The following ACAP2 variants were observed in gnomAD, a reference collection of about 807,000 sequenced individuals.
ACAP2 encodes the protein ArfGAP with coiled-coil, ankyrin repeat and PH domains 2, also known as arf-GAP with coiled-coil, ANK repeat and PH domain-containing protein 2.
ACAP2 carries 39 observed loss-of-function variants against 115.8 expected under a neutral mutation model. The observed-to-expected ratio is 0.34, with a 90% CI of 0.26 to 0.44. The LOEUF is 0.44. Among genes scored for constraint, ACAP2 ranks in the 20% least tolerant of loss-of-function variants. The probability of loss-of-function intolerance (pLI) is 1.00; values close to 1 mark genes in which losing one functional copy is unlikely to be tolerated. For synonymous variants in ACAP2, 289 were observed against 315.8 expected (o/e 0.92, Z 0.90); for missense variants, 662 against 927.6 (o/e 0.71, Z 3.72).
At chr3:195,411,742 G>C (rs1400846206) in intron 1 of ACAP2, among the ~76,000 whole-genome samples, 3 of 152,038 alleles carry the variant, frequency 2.0e-5, no homozygotes, top group African/African-American at 7.3e-5. Context: ...TAAATATGCA[G>C]CATTAAAACT....
intron 1 of ACAP2, among the ~76,000 whole-genome samples, chr3:195,424,814 G>A (rs1714537447): frequency 6.7e-6 from 1 of 149,912 alleles, no homozygotes. Context: ...CTATTCAAGA[G>A]GCTGTGGTGA....
intron 14 of ACAP2, 104 bp from the exon 15 acceptor site, chr3:195,301,748 C>T (rs1412429646): frequency 6.1e-6 from 7 of 1,153,174 alleles, no homozygotes; most frequent in Non-Finnish European, 8.9e-6. Context: ...CCTCGGCATA[C>T]ACATATAGGC....
intron 3 of ACAP2, among the ~76,000 whole-genome samples, 184 bp downstream of exon 3, chr3:195,381,719 G>A (rs1733951577): frequency 6.6e-6 from 1 of 152,044 alleles, no homozygotes; most frequent in Non-Finnish European, 1.5e-5. Flanking sequence ...AATGCGCAAT[G>A]CAAATCAACC....
At chr3:195,354,003 C>A (rs1241416356) in intron 4 of ACAP2, among the ~76,000 whole-genome samples, 1 of 152,124 alleles carries the variant, frequency 6.6e-6, no homozygotes, top group Non-Finnish European at 1.5e-5. Flanking sequence ...CCCTCCCACT[C>A]CAATAAGCCA....
chr3:195,316,950 T>TGC (rs1169041436), intron 10 of ACAP2, among the ~76,000 whole-genome samples: 2 of 124,972 alleles, frequency 1.6e-5, no homozygotes. Flanking sequence ...CAGGCTGGAG[T>TGC]GCAGTGGTGC....
chr3:195,372,987 C>CAAA (rs869134113), intron 4 of ACAP2, among the ~76,000 whole-genome samples: 525 of 17,708 alleles, frequency 0.03, 76 homozygotes, highest in African/African-American at 0.091. Flanking sequence ...GACTCCATCT[C>CAAA]AAAAAAAAAA....
At chr3:195,374,826 T>C (rs1237744839) in intron 4 of ACAP2, among the ~76,000 whole-genome samples, 1 of 151,680 alleles carries the variant, frequency 6.6e-6, no homozygotes, top group African/African-American at 2.4e-5. Flanking sequence ...GCCATTCTCC[T>C]GTCTCAGCAT....
intron 4 of ACAP2, among the ~76,000 whole-genome samples, chr3:195,363,039 ACC>A (rs1188142726): frequency 4.6e-5 from 7 of 152,174 alleles, no homozygotes; most frequent in African/African-American, 1.7e-4. Context: ...AAATGATATG[ACC>A]CTATATTTGG....
At chr3:195,409,041 C>T (rs1713026457) in intron 1 of ACAP2, among the ~76,000 whole-genome samples, 1 of 151,476 alleles carries the variant, frequency 6.6e-6, no homozygotes, top group Non-Finnish European at 1.5e-5. Context: ...AAGGATGCTG[C>T]TTTCAACACT....
chr3:195,294,880 G>T, intron 17 of ACAP2, 69 bp from the exon 18 acceptor site: 1 of 1,015,226 alleles, frequency 9.9e-7, no homozygotes, highest in Non-Finnish European at 1.5e-6. Flanking sequence ...CCACAAACAA[G>T]GTTTTAAAAT....
At chr3:195,422,289 GATT>G (rs1184666315) in intron 1 of ACAP2, among the ~76,000 whole-genome samples, 1 of 143,614 alleles carries the variant, frequency 7.0e-6, no homozygotes, top group African/African-American at 2.4e-5. Context: ...TAACAGATAA[GATT>G]TTTTAACAGA....
intron 8 of ACAP2, among the ~76,000 whole-genome samples, chr3:195,329,053 C>T (rs1305986160): frequency 7.0e-6 from 1 of 143,002 alleles, no homozygotes; most frequent in East Asian, 2.2e-4. Flanking sequence ...GTACTCCAGC[C>T]TGGGCAACAG....
chr3:195,286,131 C>A (rs1304794424), intron 21 of ACAP2, among the ~76,000 whole-genome samples: 4 of 152,182 alleles, frequency 2.6e-5, no homozygotes, highest in Admixed American at 2.0e-4. Flanking sequence ...TAGTGGCTTG[C>A]TTCCTCCAGA....
intron 2 of ACAP2, among the ~76,000 whole-genome samples, chr3:195,385,457 T>C (rs933360185): frequency 1.3e-5 from 2 of 151,356 alleles, no homozygotes; most frequent in South Asian, 2.1e-4. Context: ...AGAGAGATGC[T>C]AAAGCAAAGT....
chr3:195,370,194 T>C (rs1368242115), intron 4 of ACAP2, among the ~76,000 whole-genome samples: 1 of 152,222 alleles, frequency 6.6e-6, no homozygotes, highest in Non-Finnish European at 1.5e-5. Context: ...TCTCCCACTG[T>C]AGGTTGTCTG....
intron 1 of ACAP2, among the ~76,000 whole-genome samples, chr3:195,407,691 C>T (rs1431661194): frequency 2.6e-5 from 4 of 151,872 alleles, no homozygotes; most frequent in Admixed American, 1.3e-4. Flanking sequence ...AGTAAGACTC[C>T]GTCTCAAAAG....
At position 195,416,453 on chromosome 3, in the gene ACAP2, A is replaced by G. The variant is rs1432725374; in HGVS notation, c.54-24306T>C. Reference sequence around the variant, plus strand: ...TTAGCAAAAGTTTTAAAATCTGGCCATACAAAACATAGGAGAGGATATGAA... The same window carrying G: ...TTAGCAAAAGTTTTAAAATCTGGCCGTACAAAACATAGGAGAGGATATGAA... On this transcript the variant is annotated intron_variant, in intron 1 of 22. Coordinates refer to ENST00000326793, the MANE Select transcript of ACAP2 (RefSeq NM_012287.6). 2.0e-5 allele frequency among the ~76,000 whole-genome samples: 3 copies of G among 152,106 alleles called. No individual in the cohort carries two copies. In the East Asian group the frequency reaches 5.8e-4, roughly 29 times the overall value.
At chr3:195,399,594 A>G (rs1351599386) in intron 1 of ACAP2, among the ~76,000 whole-genome samples, 1 of 150,452 alleles carries the variant, frequency 6.6e-6, no homozygotes, top group African/African-American at 2.5e-5. Flanking sequence ...GTGGGGAAAA[A>G]AAAAACTTTT....
chr3:195,439,890 G>T (rs1715872035), intron 1 of ACAP2, among the ~76,000 whole-genome samples: 1 of 152,086 alleles, frequency 6.6e-6, no homozygotes, highest in Non-Finnish European at 1.5e-5. Context: ...ACCTCCCAAA[G>T]TGCTGGGATT....
Sources: allele counts gnomAD v4.1 joint callset (sites outside exome capture counted in the v4.1 genomes callset), GRCh38; gene constraint gnomAD v4.1.1; transcripts MANE v1.5; gene names NCBI Gene and HGNC (gene_info 2026-07-23, HGNC 2026-07-21).